DBN1: variants seen among roughly 807,000 people sequenced by gnomAD.
DBN1 encodes the protein drebrin 1, also known as drebrin.
DBN1 carries 21 observed loss-of-function variants against 83.5 expected under a neutral mutation model. The ratio of observed to expected loss-of-function variants is 0.25; its 90% CI spans 0.18 to 0.36. The LOEUF is 0.36. DBN1 is among the 10% of genes least tolerant of loss of function. DBN1 has a pLI of 1.00. For synonymous variants in DBN1, 381 were observed against 384.9 expected, an observed-to-expected ratio of 0.99 and a Z score of 0.12; for missense variants, 874 against 935.7, an observed-to-expected ratio of 0.93 and a Z score of 0.86.
intron 11 of DBN1, 80 bp from the exon 12 acceptor site, chr5:177,459,348 G>GC: frequency 6.5e-7 from 1 of 1,543,972 alleles, no homozygotes. Flanking sequence ...GGCCTGGCCA[G>GC]CACCTCCTCT....
intron 14 of DBN1, 55 bp from the exon 15 acceptor site, chr5:177,457,558 C>A: frequency 1.3e-6 from 2 of 1,583,266 alleles, no homozygotes; most frequent in Non-Finnish European, 8.7e-7. Flanking sequence ...CTTGTGTCCC[C>A]AGCCTCTGTG....
chr5:177,469,836 G>A (rs1581736548), intron 1 of DBN1, among the ~76,000 whole-genome samples: 1 of 152,182 alleles, frequency 6.6e-6, no homozygotes, highest in African/African-American at 2.4e-5. Context: ...TAGGAGGAAG[G>A]GCCTTGTCCC....
intron 12 of DBN1, 26 bp downstream of exon 12, chr5:177,459,072 T>A (rs749085048): frequency 6.3e-7 from 1 of 1,579,136 alleles, no homozygotes; most frequent in Admixed American, 1.9e-5. Context: ...ATGGGAGGCC[T>A]GGTGCAGGTA....
In DBN1 at chr5:177,457,255, GAA is replaced by G; in HGVS notation, c.*176_*177del. On this transcript the variant is annotated 3_prime_UTR_variant, in exon 15 of 15. Coordinates refer to ENST00000393565, the MANE Select transcript of DBN1 (RefSeq NM_001363541.2). ...CTCCTATCAACTTTTTAAAAAAAGAGAAAAGCTGTAAAAGTCAGGCCCTGTGG... is the reference window on the plus strand; with the variant it reads ...CTCCTATCAACTTTTTAAAAAAAGAGAAGCTGTAAAAGTCAGGCCCTGTGG... 3.2e-6 allele frequency: 2 copies of G among 623,494 alleles called. No homozygotes were observed. The highest frequency in any genetic ancestry group is 5.7e-6 in the Non-Finnish European group (2 of 348,992). 38.6% of individuals were successfully genotyped at this position (623,494 alleles called of 1,614,324 possible).
At chr5:177,461,345 G>T (rs571847464) in intron 8 of DBN1, among the ~76,000 whole-genome samples, 3 of 151,788 alleles carry the variant, frequency 2.0e-5, no homozygotes, top group Admixed American at 2.0e-4. Context: ...TGATCCGCCC[G>T]CCTCGGCCTC....
intron 8 of DBN1, among the ~76,000 whole-genome samples, chr5:177,464,094 G>T (rs1210342871): frequency 6.6e-6 from 1 of 151,496 alleles, no homozygotes; most frequent in South Asian, 2.1e-4. Context: ...TAGCCTGGGG[G>T]ACAAGAGTGA....
At chr5:177,470,504 C>CAT (rs1343388419) in intron 1 of DBN1, among the ~76,000 whole-genome samples, 1 of 152,166 alleles carries the variant, frequency 6.6e-6, no homozygotes, top group African/African-American at 2.4e-5. Context: ...CAGCAGAAAC[C>CAT]ATACCCCAGT....
Position 177,457,507 on chromosome 5 carries a change from T to C in DBN1, c.2018-4A>G. 1 of 1,613,996 alleles carries C rather than the reference T, an allele frequency of 6.2e-7. No individual in the cohort carries two copies. The highest frequency in any genetic ancestry group is 1.3e-5 in the African/African-American group (1 of 75,042). ...TCCCAGCATGTGATGTCGATCTCTG[T>C]GGCGTTAGAAAGGGAGAGGAGTTAG... On this transcript the variant is annotated splice_region_variant and splice_polypyrimidine_tract_variant and intron_variant, in intron 14 of 14. Coordinates refer to ENST00000393565, the MANE Select transcript of DBN1 (RefSeq NM_001363541.2).
At position 177,467,477 on chromosome 5, in the gene DBN1, T is replaced by A; in HGVS notation, c.477+4A>T. On this transcript the variant is annotated splice_donor_region_variant and intron_variant, in intron 5 of 14. Transcript: ENST00000393565. This position sits in a 1 kb window ranked among gnomAD's most constrained non-coding sequence, Gnocchi z 9.1. ...GAGCCCACGGGTGCCAAACACACAC[T>A]AACCACGGGCTCTGCGTTCTCATCC... 6.3e-7 allele frequency: 1 copy of A among 1,599,924 alleles called. No homozygotes were observed. The highest frequency in any genetic ancestry group is 8.5e-7 in the Non-Finnish European group (1 of 1,172,240).
chr5:177,462,170 A>T (rs1757094599), intron 8 of DBN1: 107 of 765,176 alleles, frequency 1.4e-4, no homozygotes, highest in Non-Finnish European at 1.5e-4. Flanking sequence ...CCCCTGCCTG[A>T]CCTAGCCGTC....
intron 1 of DBN1, chr5:177,472,966 G>T: frequency 2.2e-6 from 1 of 454,598 alleles, no homozygotes; most frequent in Non-Finnish European, 2.9e-6. Context: ...TTTCCTTTGT[G>T]CTGTGGCCGG....
chr5:177,461,274 A>G (rs1426224583), intron 8 of DBN1, among the ~76,000 whole-genome samples: 1 of 149,030 alleles, frequency 6.7e-6, no homozygotes, highest in South Asian at 2.1e-4. Flanking sequence ...AATTTTTTGT[A>G]TTTTTAGTAG....
chr5:177,457,373 G>T lies in DBN1; in HGVS notation c.*60C>A. On this transcript the variant is annotated 3_prime_UTR_variant, in exon 15 of 15. Transcript: ENST00000393565. The stretch of plus-strand genomic sequence containing the variant: ...CGAATGCAGGCACGGCGGGCCGTCT[G>T]GCCAGAGGCTGATGCAGGTGGGCGG... 6.9e-7 allele frequency: 1 copy of T among 1,456,120 alleles called. No individual in the cohort carries two copies. The highest frequency in any genetic ancestry group is 9.6e-7 in the Non-Finnish European group (1 of 1,036,874). 90.2% of individuals were successfully genotyped at this position (1,456,120 alleles called of 1,614,324 possible).
chr5:177,465,763 G>A (rs1485286620), intron 8 of DBN1, among the ~76,000 whole-genome samples: 2 of 151,186 alleles, frequency 1.3e-5, no homozygotes, highest in Non-Finnish European at 2.9e-5. Context: ...GCTGAGGCGG[G>A]AGAATCGCTT....
At chr5:177,472,697 G>A (rs1757937216) in intron 1 of DBN1, 2 of 730,026 alleles carry the variant, frequency 2.7e-6, no homozygotes, top group African/African-American at 1.9e-5. Context: ...ATCTCAGCTG[G>A]CCCCTTAGGC....
chr5:177,469,350 T>C (rs536964119), intron 1 of DBN1, among the ~76,000 whole-genome samples: 1 of 152,084 alleles, frequency 6.6e-6, no homozygotes, highest in Non-Finnish European at 1.5e-5. Flanking sequence ...AGAGAGAACC[T>C]GGTGCTCCCA....
intron 8 of DBN1, among the ~76,000 whole-genome samples, chr5:177,464,948 A>T (rs1271757581): frequency 2.0e-5 from 3 of 151,610 alleles, no homozygotes; most frequent in East Asian, 1.9e-4. Flanking sequence ...AGGTCAGGAG[A>T]TCGAGACCAC....
chr5:177,465,619 GC>G (rs1757390740), intron 8 of DBN1, among the ~76,000 whole-genome samples: 1 of 152,126 alleles, frequency 6.6e-6, no homozygotes, highest in Non-Finnish European at 1.5e-5. Flanking sequence ...ACTTTGGGAG[GC>G]CGAGGCGGGC....
At chr5:177,459,011 C>T (rs1437406167) in intron 12 of DBN1, 87 bp downstream of exon 12, 4 of 1,528,144 alleles carry the variant, frequency 2.6e-6, no homozygotes, top group South Asian at 1.3e-5. Flanking sequence ...GGCCCAGATC[C>T]CTGGAGAACG....
Sources: allele counts gnomAD v4.1 joint callset (sites outside exome capture counted in the v4.1 genomes callset), GRCh38; gene constraint gnomAD v4.1.1; non-coding constraint Gnocchi (gnomAD v3.1); transcripts MANE v1.5; gene names NCBI Gene and HGNC (gene_info 2026-07-23, HGNC 2026-07-21).